Variants in LITAF observed in about 807,000 individuals in gnomAD.
LITAF encodes the protein lipopolysaccharide-induced tumor necrosis factor-alpha factor.
A neutral mutation model predicts 14.5 loss-of-function variants in LITAF; 9 were observed. The ratio of observed to expected loss-of-function variants is 0.62; its 90% confidence interval spans 0.37 to 1.08. LITAF has a LOEUF of 1.08. Among genes scored for constraint, LITAF ranks in the 50% least tolerant of loss-of-function variants. The pLI is 0.01. For synonymous variants in LITAF, 98 were observed against 88.2 expected (o/e 1.11, Z -0.62); for missense variants, 206 against 213.4 (o/e 0.97, Z 0.22).
rs192502817 is a variant in LITAF, at chr16:11,564,926, G to C, written c.-5-8191C>G. 3.9e-5 allele frequency among the ~76,000 whole-genome samples: 6 copies of C among 151,960 alleles called. No individual in the cohort carries two copies. The East Asian group carries it at 1.2e-3, about 29-fold the overall frequency. ...AGGAAATGGGTATGGGGTTCTTTTG[G>C]GGATGATGAAAATGTTCTGGAACCA... On this transcript the variant is annotated intron_variant, in intron 1 of 3. Transcript: ENST00000622633.
intron 1 of LITAF, among the ~76,000 whole-genome samples, chr16:11,575,003 A>G (rs2141808938): frequency 6.6e-6 from 1 of 152,158 alleles, no homozygotes; most frequent in African/African-American, 2.4e-5. Flanking sequence ...GGGTTTCACC[A>G]TGTTGGCCAG....
intron 1 of LITAF, among the ~76,000 whole-genome samples, chr16:11,581,886 T>C (rs144335337): frequency 9.9e-5 from 15 of 151,994 alleles, no homozygotes; most frequent in African/African-American, 3.4e-4. Flanking sequence ...GACGACAAAA[T>C]TGAGCTCACA....
chr16:11,639,033 C>T (rs916091152), upstream of LITAF, among the ~76,000 whole-genome samples: 2 of 151,942 alleles, frequency 1.3e-5, no homozygotes, highest in African/African-American at 4.8e-5. Flanking sequence ...GTGACGGATG[C>T]ATGGGTGAAT....
chr16:11,559,243 G>A (rs181219070), intron 1 of LITAF, among the ~76,000 whole-genome samples: 189 of 152,178 alleles, frequency 1.2e-3, no homozygotes, highest in African/African-American at 4.4e-3. Flanking sequence ...GTGACAGAGC[G>A]ACACTCTATG....
At chr16:11,568,683 GTTT>G (rs757940935) in intron 1 of LITAF, among the ~76,000 whole-genome samples, 1 of 133,896 alleles carries the variant, frequency 7.5e-6, no homozygotes. Context: ...GTTTTTTTTT[GTTT>G]TTTTTTTTTT....
At chr16:11,552,871 T>C (rs1165274854) in intron 3 of LITAF, among the ~76,000 whole-genome samples, 2 of 152,076 alleles carry the variant, frequency 1.3e-5, no homozygotes, top group Non-Finnish European at 2.9e-5. Flanking sequence ...CCCAGCACTT[T>C]GGGAGGCTGA....
At chr16:11,612,328 G>A (rs1029942092) in intron 3 of LITAF, among the ~76,000 whole-genome samples, 3 of 152,316 alleles carry the variant, frequency 2.0e-5, no homozygotes, top group African/African-American at 4.8e-5. Context: ...TGGCTGCACC[G>A]TCCTCATCAT....
At chr16:11,588,324 A>G (rs979743788), upstream of LITAF, among the ~76,000 whole-genome samples, 1 of 152,068 alleles carries the variant, frequency 6.6e-6, no homozygotes, top group Non-Finnish European at 1.5e-5. Context: ...GTGAGACTCC[A>G]TCTCTATAAA....
intron 3 of LITAF, among the ~76,000 whole-genome samples, chr16:11,608,553 G>A (rs2064966288): frequency 6.6e-6 from 1 of 152,190 alleles, no homozygotes; most frequent in African/African-American, 2.4e-5. Flanking sequence ...AACAAAATCC[G>A]GTCTATCCAT....
upstream of LITAF, among the ~76,000 whole-genome samples, chr16:11,637,292 G>A (rs559499298): frequency 2.0e-4 from 31 of 152,242 alleles, no homozygotes; most frequent in Non-Finnish European, 2.9e-4. Flanking sequence ...CTTTGGGTCA[G>A]TGTGGCTGCC....
Position 11,585,657 on chromosome 16 carries a change from G to A in LITAF, c.-6+1229C>T, listed in dbSNP as rs138717431. Reference sequence around the variant, plus strand: ...AAAGAGTCACTCTGAGAAGGCAGGGGGTGAGAGGGCAGATGAAGCAGCCAA... The same window carrying A: ...AAAGAGTCACTCTGAGAAGGCAGGGAGTGAGAGGGCAGATGAAGCAGCCAA... On this transcript the variant is annotated intron_variant, in intron 1 of 3. Transcript: ENST00000622633. Among the ~76,000 whole-genome samples, 357 of 152,292 alleles carry A rather than the reference G, an allele frequency of 2.3e-3. 1 individual carries two copies. Among genetic ancestry groups the A allele is most frequent in the Non-Finnish European group, 4.3e-3 (291 of 68,020 alleles).
chr16:11,560,395 G>A (rs58365487), intron 1 of LITAF, among the ~76,000 whole-genome samples: 1 of 151,656 alleles, frequency 6.6e-6, no homozygotes, highest in Non-Finnish European at 1.5e-5. Flanking sequence ...TGGATCATTT[G>A]AGGTAAGGAG....
At chr16:11,580,747 G>A (rs1170389298) in intron 1 of LITAF, among the ~76,000 whole-genome samples, 3 of 152,036 alleles carry the variant, frequency 2.0e-5, no homozygotes, top group Non-Finnish European at 4.4e-5. Context: ...CTGCCTCCAG[G>A]AGCCCCAGGC....
intron 3 of LITAF, among the ~76,000 whole-genome samples, chr16:11,550,289 C>T (rs1198621679): frequency 6.6e-6 from 1 of 152,110 alleles, no homozygotes; most frequent in Non-Finnish European, 1.5e-5. Flanking sequence ...GGGGTTTCAC[C>T]GTGTTGGCCA....
chr16:11,547,851 T>C lies in LITAF; in HGVS notation c.*1786A>G, dbSNP rs1233648839. ...AATCCACCCAACTCAACATCGGTCA[T>C]CTTGACATTGCAGGATATTCAGCAA... On this transcript the variant is annotated 3_prime_UTR_variant, in exon 4 of 4. Transcript: ENST00000622633. 2.2e-6 allele frequency: 1 copy of C among 454,032 alleles called. No homozygotes were observed. Among genetic ancestry groups the C allele is most frequent in the Non-Finnish European group, 4.4e-6 (1 of 226,814 alleles). The allele number at this position is 454,032 out of a possible 1,614,324, so 28.1% of individuals were successfully genotyped here. A position where few individuals can be genotyped will look rare whatever the true frequency, so the allele number is the denominator to read the frequency against.
intron 3 of LITAF, among the ~76,000 whole-genome samples, chr16:11,616,982 G>T (rs1054741865): frequency 6.6e-6 from 1 of 151,652 alleles, no homozygotes; most frequent in Admixed American, 6.6e-5. Flanking sequence ...CACTTTGGGA[G>T]GCCGAGGCAG....
At chr16:11,579,532 A>G (rs1281056399) in intron 1 of LITAF, among the ~76,000 whole-genome samples, 2 of 150,118 alleles carry the variant, frequency 1.3e-5, no homozygotes, top group Admixed American at 1.3e-4. Context: ...AATAAAATAT[A>G]TCAATGCAAT....
intron 1 of LITAF, chr16:11,584,276 G>A (rs2064777749): frequency 6.7e-6 from 1 of 149,584 alleles, no homozygotes; most frequent in Admixed American, 6.7e-5. Context: ...CAAGAATACA[G>A]GACTTCCTCT....
chr16:11,576,959 C>T (rs114900617), intron 1 of LITAF, among the ~76,000 whole-genome samples: 23 of 152,170 alleles, frequency 1.5e-4, no homozygotes, highest in African/African-American at 4.6e-4. Flanking sequence ...GCAAGACTTA[C>T]GGATAATGTG....
Sources: gnomAD v4.1 joint callset for allele counts (sites outside exome capture counted in the v4.1 genomes callset) on GRCh38, gnomAD v4.1.1 for gene constraint, MANE v1.5 for transcripts, NCBI Gene and HGNC (gene_info 2026-07-23, HGNC 2026-07-21) for gene names.